The following PDLIM7 variants were observed in gnomAD, a reference collection of about 807,000 sequenced individuals.
The protein encoded by PDLIM7 is PDZ and LIM domain 7.
PDLIM7 carries 37 observed loss-of-function variants against 53.9 expected under a neutral mutation model. The ratio of observed to expected loss-of-function variants is 0.69; its 90% CI spans 0.53 to 0.90. The LOEUF is 0.90. Among genes scored for constraint, PDLIM7 ranks in the 40% least tolerant of loss-of-function variants. The pLI, the probability that PDLIM7 is intolerant of heterozygous loss-of-function variation, is 0.00. For synonymous variants in PDLIM7, 300 were observed against 261.3 expected, an observed-to-expected ratio of 1.15 and a Z score of -1.43; for missense variants, 617 against 638.5, an observed-to-expected ratio of 0.97 and a Z score of 0.36.
chr5:177,486,580 G>T (rs112007477), intron 10 of PDLIM7, among the ~76,000 whole-genome samples: 1 of 151,328 alleles, frequency 6.6e-6, no homozygotes, highest in African/African-American at 2.5e-5. Flanking sequence ...GGGAGAGGGG[G>T]CTCTACCAGG....
intron 2 of PDLIM7, among the ~76,000 whole-genome samples, chr5:177,494,465 C>T (rs1228572320): frequency 2.0e-5 from 3 of 152,122 alleles, no homozygotes; most frequent in African/African-American, 7.2e-5. Context: ...GGAAACCTGG[C>T]CCAGCCACTC....
chr5:177,483,561 G>A lies in PDLIM7; in HGVS notation c.*83C>T, dbSNP rs1271085852. ...AGGAGCCAGGGTTAAGGCAACCATT[G>A]CCAGCCCTACCCAGAAATGCAGGGC... On this transcript the variant is annotated 3_prime_UTR_variant, in exon 13 of 13. Transcript: ENST00000355841. 1 of 1,069,688 alleles carries A rather than the reference G, an allele frequency of 9.3e-7. No homozygotes were observed. Among genetic ancestry groups the A allele is most frequent in the South Asian group, 1.5e-5 (1 of 68,564 alleles). 66.3% of individuals were successfully genotyped at this position (1,069,688 alleles called of 1,614,324 possible). A position where few individuals can be genotyped will look rare whatever the true frequency, so the allele number is the denominator to read the frequency against.
rs759214592 is a variant in PDLIM7 at position 177,489,464 on chromosome 5, GGCAGCT to G, written c.792_797del (p.Ala265_Ala266del). On this transcript the variant is annotated inframe_deletion, in exon 9 of 13. Coordinates refer to ENST00000355841, the MANE Select transcript of PDLIM7 (RefSeq NM_005451.5). ...TGCTGCCCCCTCCTGGCACCCCTCC[GGCAGCT>G]GCCTGCACAATGGAGGTGCGGCTCT... The G allele has an allele frequency of 3.7e-6, 6 of 1,604,906 alleles. No homozygotes were observed. The African/African-American group carries it at 8.0e-5, about 21-fold the overall frequency.
intron 10 of PDLIM7, among the ~76,000 whole-genome samples, chr5:177,486,935 T>C (rs1226287767): frequency 7.7e-4 from 8 of 10,396 alleles, no homozygotes; most frequent in Admixed American, 4.8e-3. Context: ...CTGGCCCTTT[T>C]TTTTTTTTTT....
In PDLIM7 at chr5:177,489,443, G is replaced by T; in HGVS notation, c.819C>A (p.Gly273=). Residue 273 remains glycine, a synonymous_variant, in exon 9 of 13, where the codon GGC becomes GGA. Transcript: ENST00000355841. ...QAAAGGVPGG[G]SNNGKTPVCH... The stretch of plus-strand genomic sequence containing the variant: ...ACACGGGAGTCTTGCCGTTGTTGCT[G>T]CCCCCTCCTGGCACCCCTCCGGCAG... 1 of 1,603,056 alleles carries T rather than the reference G, an allele frequency of 6.2e-7. No individual in the cohort carries two copies. The highest frequency in any genetic ancestry group is 2.2e-5 in the East Asian group (1 of 44,530).
intron 10 of PDLIM7, chr5:177,487,799 C>T (rs1758538913): frequency 2.9e-6 from 1 of 339,448 alleles, no homozygotes; most frequent in East Asian, 4.9e-5. Context: ...GCAGGGAGAG[C>T]CCAAAGTGGG....
intron 7 of PDLIM7, chr5:177,490,623 G>A (rs1460214532): frequency 6.7e-7 from 1 of 1,481,770 alleles, no homozygotes; most frequent in Non-Finnish European, 9.2e-7. Context: ...GGAGGAAGAA[G>A]TGGAAGGAAG....
Position 177,489,612 on chromosome 5 carries a change from C to A in PDLIM7, c.650G>T (p.Ser217Ile). ...AGCCCAGGGCGGGCGGCTGGTAGGG[C>A]TGGGGGCGGTAGGGCCTGCCGGGGA... is the stretch of plus-strand genomic sequence containing the variant. ...QEPWPGPTAP[S>I]PTSRPPWAVD... The change falls in exon 9 of 13, where the codon AGC becomes ATC. Residue 217 changes from serine to isoleucine, a missense_variant. Transcript: ENST00000355841. 12 of 1,600,248 alleles carry A rather than the reference C, an allele frequency of 7.5e-6. No homozygotes were observed. Among genetic ancestry groups the A allele is most frequent in the Non-Finnish European group, 9.4e-6 (11 of 1,175,044 alleles).
In PDLIM7 at chr5:177,483,948, G is replaced by A; in HGVS notation, c.1206C>T (p.Gly402=). Residue 402 remains glycine (G), a synonymous_variant, in exon 12 of 13, where the codon GGC becomes GGT. Coordinates refer to ENST00000355841, the MANE Select transcript of PDLIM7 (RefSeq NM_005451.5). ...CCCCAGCGTCGATCTTGAAGTCACA[G>A]CCATGGCATTTCGTGCCAAACATCT... ...YEKMFGTKCH[G]CDFKIDAGDR... is the part of the protein sequence containing the mutation. 1 of 1,613,962 alleles carries A rather than the reference G, an allele frequency of 6.2e-7. No individual in the cohort carries two copies. Among genetic ancestry groups the A allele is most frequent in the Non-Finnish European group, 8.5e-7 (1 of 1,179,990 alleles).
At chr5:177,490,657 G>T in intron 7 of PDLIM7, 2 of 1,151,722 alleles carry the variant, frequency 1.7e-6, no homozygotes, top group South Asian at 1.3e-5. Context: ...GAGGCAGGGA[G>T]GGAGGAGGGA....
chr5:177,486,620 G>A (rs1019875455), intron 10 of PDLIM7, among the ~76,000 whole-genome samples: 1 of 152,124 alleles, frequency 6.6e-6, no homozygotes, highest in Admixed American at 6.6e-5. Context: ...GGAGCCCAAG[G>A]CTGGGAGGCA....
chr5:177,486,930 CCTTTTTTTTTTTT>C (rs2127410745), intron 10 of PDLIM7, among the ~76,000 whole-genome samples: 6 of 119,700 alleles, frequency 5.0e-5, no homozygotes, highest in South Asian at 2.6e-4. Context: ...CGTGCCTGGC[CCTTTTTTTTTTTT>C]TTTTTTTTTT....
Position 177,492,553 on chromosome 5 carries a change from C to G in PDLIM7, c.221G>C (p.Gly74Ala). The G allele has an allele frequency of 6.2e-7, 1 of 1,613,746 alleles. No individual in the cohort carries two copies. Among genetic ancestry groups the G allele is most frequent in the Non-Finnish European group, 8.5e-7 (1 of 1,179,738 alleles). The change falls in exon 3 of 13, where the codon GGG becomes GCG. Residue 74 changes from glycine (G) to alanine (A), a missense_variant. Physicochemically the swap from Gly to Ala is moderately conservative, Grantham distance 60 (BLOSUM62 0). Coordinates refer to ENST00000355841, the MANE Select transcript of PDLIM7 (RefSeq NM_005451.5). The part of the protein sequence containing the change: ...IEAQNKIRAC[G>A]ERLSLGLSRA... ...GCTGAGGCCCAGGCTGAGGCGCTCC[C>G]CGCAGGCCCGGATCTTGTTCTGAGC...
intron 10 of PDLIM7, 90 bp downstream of exon 10, chr5:177,487,978 C>A: frequency 7.5e-7 from 1 of 1,335,716 alleles, no homozygotes; most frequent in Non-Finnish European, 1.0e-6. Context: ...AGGGCTCACT[C>A]GGGGAGAGAC....
Position 177,496,419 on chromosome 5 carries a change from G to T in PDLIM7, c.94C>A (p.Arg32=), listed in dbSNP as rs781549892. The T allele has an allele frequency of 1.4e-5, 23 of 1,590,340 alleles. No homozygotes were observed. The highest frequency in any genetic ancestry group is 2.0e-5 in the Non-Finnish European group (23 of 1,168,246). Residue 32 remains arginine, a splice_region_variant and synonymous_variant, in exon 2 of 13, where the codon CGG becomes AGG. Coordinates refer to ENST00000355841, the MANE Select transcript of PDLIM7 (RefSeq NM_005451.5). The part of the protein sequence containing the change: ...KDFNVPLSIS[R]LTPGGKAAQA... Reference sequence around the variant, plus strand: ...CCCCTCCCCAAACCTAGGCTCACCCGGGAAATGGAGAGGGGCACATTGAAG... The same window carrying T: ...CCCCTCCCCAAACCTAGGCTCACCCTGGAAATGGAGAGGGGCACATTGAAG...
At chr5:177,485,422 G>A (rs916110717) in intron 10 of PDLIM7, among the ~76,000 whole-genome samples, 8 of 152,202 alleles carry the variant, frequency 5.3e-5, no homozygotes, top group South Asian at 2.1e-4. Flanking sequence ...ATGGGGCCTC[G>A]AGGCGGTATG....
chr5:177,491,529 G>T, intron 5 of PDLIM7: 1 of 905,834 alleles, frequency 1.1e-6, no homozygotes, highest in Admixed American at 2.0e-5. Flanking sequence ...GCGGCACTGA[G>T]TGTCTGGGGC....
intron 10 of PDLIM7, among the ~76,000 whole-genome samples, chr5:177,485,431 T>C (rs1393631471): frequency 1.3e-5 from 2 of 152,198 alleles, no homozygotes; most frequent in Non-Finnish European, 2.9e-5. Context: ...CGAGGCGGTA[T>C]GAGGGTCCAA....
chr5:177,491,357 G>A (rs931942757), intron 5 of PDLIM7: 2 of 1,550,502 alleles, frequency 1.3e-6, no homozygotes, highest in Non-Finnish European at 8.7e-7. Context: ...GCCACCCAGA[G>A]TGCCAAAAGG....
Sources: gnomAD v4.1 joint callset for allele counts (sites outside exome capture counted in the v4.1 genomes callset) on GRCh38, gnomAD v4.1.1 for gene constraint, MANE v1.5 for transcripts, NCBI Gene and HGNC (gene_info 2026-07-23, HGNC 2026-07-21) for gene names.